Variants in ADGRV1 observed in about 807,000 individuals in gnomAD.
ADGRV1 encodes the protein adhesion G protein-coupled receptor V1.
A neutral mutation model predicts 596.2 loss-of-function variants in ADGRV1; 359 were observed. That is an observed-to-expected ratio of 0.60 (90% CI 0.55 to 0.66). The LOEUF (loss-of-function observed/expected upper bound fraction) is 0.66, where lower values mean the gene tolerates loss of function less well. ADGRV1 is among the 30% of genes least tolerant of loss of function. ADGRV1 has a pLI of 0.00. For synonymous variants in ADGRV1, 2,681 were observed against 2,679.2 expected (o/e 1.00, Z -0.02); for missense variants, 7,274 against 7,575.6 (o/e 0.96, Z 1.48).
At chr5:91,099,626 C>T (rs1203028210) in intron 86 of ADGRV1, among the ~76,000 whole-genome samples, 3 of 152,054 alleles carry the variant, frequency 2.0e-5, no homozygotes, top group Admixed American at 6.6e-5. Context: ...TAAGCAATAG[C>T]GGGGTGCGGT....
chr5:90,792,433 T>C (rs557886740), intron 70 of ADGRV1: 1 of 152,340 alleles, frequency 6.6e-6, no homozygotes, highest in East Asian at 1.9e-4. Flanking sequence ...GAGCCTTTTG[T>C]AGTTGCTTAA....
intron 21 of ADGRV1, among the ~76,000 whole-genome samples, chr5:90,660,290 A>G (rs1770076370): frequency 6.6e-6 from 1 of 152,140 alleles, no homozygotes; most frequent in South Asian, 2.1e-4. Flanking sequence ...TCATTTGAAT[A>G]TGGAAAATAT....
At chr5:90,783,790 C>A in intron 66 of ADGRV1, 48 bp from the exon 67 acceptor site, 2 of 1,364,626 alleles carry the variant, frequency 1.5e-6, no homozygotes, top group Non-Finnish European at 1.0e-6. Flanking sequence ...ATTTTACAAG[C>A]ACTTTAATAT....
At chr5:91,029,588 G>A (rs1055507628) in intron 85 of ADGRV1, among the ~76,000 whole-genome samples, 15 of 152,122 alleles carry the variant, frequency 9.9e-5, no homozygotes, top group African/African-American at 3.4e-4. Flanking sequence ...AACATAACCA[G>A]CCATGTTGAA....
At position 90,697,099 on chromosome 5, in the gene ADGRV1, G is replaced by A. The variant is rs748918228; in HGVS notation, c.8108G>A (p.Gly2703Glu). Residue 2703 changes from glycine (G) to glutamate (E), a missense_variant, in exon 34 of 90, where the codon GGA (glycine) becomes GAA (glutamate). This residue lies in a region of ADGRV1 where 3,643 missense variants were observed against 3,809.2 expected (regional missense o/e 0.96). Coordinates refer to ENST00000405460, the MANE Select transcript of ADGRV1 (RefSeq NM_032119.4). ...ATTTTGGCCAATGACAATGTGGCAG[G>A]AATTGTTAGCTTTCAGACAGCTTCC... Reference protein sequence around the residue: ...VNILANDNVAGIVSFQTASRS... With the variant: ...VNILANDNVAEIVSFQTASRS... 1 of 1,613,404 alleles carries A rather than the reference G, an allele frequency of 6.2e-7. No individual in the cohort carries two copies. The highest frequency in any genetic ancestry group is 1.1e-5 in the South Asian group (1 of 91,064).
intron 84 of ADGRV1, among the ~76,000 whole-genome samples, chr5:90,984,855 A>T (rs1280813523): frequency 6.6e-6 from 1 of 152,222 alleles, no homozygotes; most frequent in African/African-American, 2.4e-5. Context: ...GGACACTGAG[A>T]TCAAGGTTGT....
chr5:90,718,985 G>A (rs78781875), intron 43 of ADGRV1, among the ~76,000 whole-genome samples: 1,761 of 152,146 alleles, frequency 0.012, 36 homozygotes, highest in African/African-American at 0.04. Flanking sequence ...TTAAGTATAT[G>A]GCTTAGTGAC....
At chr5:90,914,758 T>G (rs1267811051) in intron 83 of ADGRV1, among the ~76,000 whole-genome samples, 2 of 152,174 alleles carry the variant, frequency 1.3e-5, no homozygotes, top group African/African-American at 2.4e-5. Context: ...ACCAGCTAAG[T>G]TTATTTATTA....
At chr5:90,605,696 A>G (rs1762033978) in intron 1 of ADGRV1, among the ~76,000 whole-genome samples, 1 of 152,208 alleles carries the variant, frequency 6.6e-6, no homozygotes. Flanking sequence ...ACATGTCAAG[A>G]TTTTATTCAA....
chr5:90,642,784 A>G, intron 12 of ADGRV1, 22 bp downstream of exon 12: 1 of 1,608,582 alleles, frequency 6.2e-7, no homozygotes, highest in Non-Finnish European at 8.5e-7. Context: ...AAAAACTTCC[A>G]TTTATTCTGT....
At chr5:90,754,188 A>G (rs183829412) in intron 54 of ADGRV1, among the ~76,000 whole-genome samples, 29 of 152,308 alleles carry the variant, frequency 1.9e-4, no homozygotes, top group African/African-American at 6.0e-4. Flanking sequence ...ACAGAGAACA[A>G]TGAGCAACAC....
At chr5:90,610,405 A>G (rs780655479) in intron 1 of ADGRV1, among the ~76,000 whole-genome samples, 6 of 151,974 alleles carry the variant, frequency 3.9e-5, no homozygotes, top group Non-Finnish European at 5.9e-5. Flanking sequence ...CTTGGTGACA[A>G]TCAGAAGGGG....
At chr5:91,027,835 A>G (rs748257400) in intron 85 of ADGRV1, among the ~76,000 whole-genome samples, 4 of 152,182 alleles carry the variant, frequency 2.6e-5, no homozygotes, top group Non-Finnish European at 5.9e-5. Context: ...TTTATTGACA[A>G]TAATTGTTGG....
chr5:90,645,884 T>A (rs1457542960), intron 15 of ADGRV1, 84 bp from the exon 16 acceptor site: 34 of 1,134,336 alleles, frequency 3.0e-5, no homozygotes, highest in Non-Finnish European at 3.5e-5. Context: ...GGTGCTTTTT[T>A]AAAAAAACTG....
intron 29 of ADGRV1, among the ~76,000 whole-genome samples, chr5:90,689,546 T>G (rs11959430): frequency 0.034 from 5,196 of 152,138 alleles, 172 homozygotes; most frequent in African/African-American, 0.09. Flanking sequence ...TTCTTGTAGT[T>G]AAGGGGGCCT....
chr5:90,828,925 TC>T lies in ADGRV1; in HGVS notation c.16369-17del. On this transcript the variant is annotated intron_variant, in intron 76 of 89. Coordinates refer to ENST00000405460, the MANE Select transcript of ADGRV1 (RefSeq NM_032119.4). ...TATATTAGTAATAGTTGTTTTTTTT[TC>T]CTTTTTCTCATTGTCAGGTACCACA... 6.6e-7 allele frequency: 1 copy of T among 1,517,114 alleles called. No homozygotes were observed. The highest frequency in any genetic ancestry group is 8.9e-7 in the Non-Finnish European group (1 of 1,127,352). The allele number at this position is 1,517,114 out of a possible 1,614,324, so 94.0% of individuals were successfully genotyped here. A position where few individuals can be genotyped will look rare whatever the true frequency, so the allele number is the denominator to read the frequency against.
chr5:91,123,029 A>ACAGCCTCTCCACCAC (rs1419544958), intron 87 of ADGRV1, among the ~76,000 whole-genome samples: 2 of 152,222 alleles, frequency 1.3e-5, no homozygotes, highest in African/African-American at 2.4e-5. Context: ...ATTAGGAAGC[A>ACAGCCTCTCCACCAC]CAGCCTCTCC....
intron 21 of ADGRV1, among the ~76,000 whole-genome samples, chr5:90,663,040 T>C (rs2149496099): frequency 6.7e-6 from 1 of 149,306 alleles, no homozygotes; most frequent in Non-Finnish European, 1.5e-5. Context: ...GTTCCAAGTC[T>C]TTGCTATTGT....
At chr5:90,663,993 C>T (rs1211299708) in intron 21 of ADGRV1, among the ~76,000 whole-genome samples, 1 of 144,658 alleles carries the variant, frequency 6.9e-6, no homozygotes, top group Non-Finnish European at 1.5e-5. Context: ...GGTACCAGTA[C>T]CATGCTGTTT....
Sources: allele counts gnomAD v4.1 joint callset (sites outside exome capture counted in the v4.1 genomes callset), GRCh38; gene constraint gnomAD v4.1.1; regional missense constraint gnomAD v4.1.1; transcripts MANE v1.5; gene names NCBI Gene and HGNC (gene_info 2026-07-23, HGNC 2026-07-21).